Variants in NTNG1 observed in about 807,000 individuals in gnomAD.
NTNG1 encodes the protein netrin-G1.
In NTNG1, 16 loss-of-function variants were observed where a neutral mutation model predicts 54.0. The ratio of observed to expected loss-of-function variants is 0.30; its 90% CI spans 0.20 to 0.45. The LOEUF (loss-of-function observed/expected upper bound fraction) is 0.45, where lower values mean the gene tolerates loss of function less well. Ranked by LOEUF, NTNG1 falls within the 20% of genes least tolerant of loss-of-function variation. The pLI, the probability that NTNG1 is intolerant of heterozygous loss-of-function variation, is 1.00. For missense variants in NTNG1, 530 were observed against 678.7 expected (o/e 0.78, Z 2.43); for synonymous variants, 255 against 263.1 (o/e 0.97, Z 0.30).
At chr1:107,217,498 G>A (rs942169053) in intron 2 of NTNG1, among the ~76,000 whole-genome samples, 7 of 151,852 alleles carry the variant, frequency 4.6e-5, no homozygotes, top group Non-Finnish European at 8.8e-5. Flanking sequence ...GCTGGGTTTC[G>A]GTTTGGTTTG....
intron 3 of NTNG1, among the ~76,000 whole-genome samples, chr1:107,338,349 A>G (rs1191656563): frequency 6.6e-6 from 1 of 151,900 alleles, no homozygotes; most frequent in Non-Finnish European, 1.5e-5. Flanking sequence ...CATAAGCTGA[A>G]CTACACCACT....
intron 2 of NTNG1, among the ~76,000 whole-genome samples, chr1:107,206,249 A>G (rs1358016237): frequency 6.6e-6 from 1 of 152,098 alleles, no homozygotes; most frequent in Non-Finnish European, 1.5e-5. Flanking sequence ...TCCCATCAAC[A>G]CTACCCAGAA....
intron 2 of NTNG1, among the ~76,000 whole-genome samples, chr1:107,205,660 G>A (rs557814907): frequency 1.3e-5 from 2 of 151,614 alleles, no homozygotes; most frequent in East Asian, 1.9e-4. Flanking sequence ...TAACATACAC[G>A]CAGAAATGTG....
chr1:107,171,683 C>T (rs148255248), intron 2 of NTNG1, among the ~76,000 whole-genome samples: 46 of 152,208 alleles, frequency 3.0e-4, no homozygotes, highest in African/African-American at 9.6e-4. Flanking sequence ...CTGCATTTAT[C>T]GCTCTAAAAT....
In NTNG1 at chr1:107,292,671, G is replaced by T. The variant is rs1319602869; in HGVS notation, c.247-31611G>T. ...TTTAAATGGTATATGACCTCCTAGG[G>T]TCATTAAGTTGGTAAGGGAAGAATG... On this transcript the variant is annotated intron_variant, in intron 2 of 7. Coordinates refer to ENST00000370068, the MANE Select transcript of NTNG1 (RefSeq NM_001113226.3). 3.9e-5 allele frequency among the ~76,000 whole-genome samples: 6 copies of T among 152,056 alleles called. No individual in the cohort carries two copies. The South Asian group carries it at 1.2e-3, about 31-fold the overall frequency.
At chr1:107,260,777 G>A (rs749851582) in intron 2 of NTNG1, 1 of 152,190 alleles carries the variant, frequency 6.6e-6, no homozygotes, top group African/African-American at 2.4e-5. Context: ...CAAGAAATCA[G>A]TCAGGTGAGT....
At chr1:107,418,843 A>G (rs1674386985) in intron 5 of NTNG1, among the ~76,000 whole-genome samples, 1 of 152,034 alleles carries the variant, frequency 6.6e-6, no homozygotes, top group Non-Finnish European at 1.5e-5. Context: ...ATTAGATGGC[A>G]TGGAAGTTAA....
intron 2 of NTNG1, among the ~76,000 whole-genome samples, chr1:107,177,943 A>G (rs1656771939): frequency 6.6e-6 from 1 of 152,170 alleles, no homozygotes; most frequent in Admixed American, 6.5e-5. Flanking sequence ...AATTGATTGT[A>G]TCTCTCAACC....
At chr1:107,169,409 A>G (rs929261548) in intron 2 of NTNG1, among the ~76,000 whole-genome samples, 2 of 152,104 alleles carry the variant, frequency 1.3e-5, no homozygotes, top group Non-Finnish European at 2.9e-5. Flanking sequence ...CTAGACTTGT[A>G]ATGTAGCCAT....
chr1:107,235,805 A>G (rs1661372058), intron 2 of NTNG1, among the ~76,000 whole-genome samples: 1 of 152,182 alleles, frequency 6.6e-6, no homozygotes. Context: ...AGGGAAGGAT[A>G]TTGGGAGATG....
At chr1:107,472,341 C>G (rs557028113) in intron 7 of NTNG1, among the ~76,000 whole-genome samples, 1 of 152,186 alleles carries the variant, frequency 6.6e-6, no homozygotes, top group Non-Finnish European at 1.5e-5. Flanking sequence ...AAATGATAGG[C>G]TTTCCATTAA....
chr1:107,357,042 C>A (rs1316580611), intron 3 of NTNG1, among the ~76,000 whole-genome samples: 12 of 152,116 alleles, frequency 7.9e-5, no homozygotes, highest in African/African-American at 2.9e-4. Flanking sequence ...AGAATTTTAA[C>A]AAGTCTGTCT....
At chr1:107,278,335 A>G (rs138788270) in intron 2 of NTNG1, among the ~76,000 whole-genome samples, 1 of 152,322 alleles carries the variant, frequency 6.6e-6, no homozygotes, top group East Asian at 1.9e-4. Context: ...TCTACACTCT[A>G]CTAGGTACTC....
chr1:107,422,819 C>A (rs1674658381), intron 5 of NTNG1, among the ~76,000 whole-genome samples: 1 of 152,044 alleles, frequency 6.6e-6, no homozygotes, highest in Non-Finnish European at 1.5e-5. Context: ...AAAAAATCTA[C>A]CTGTTCTAAT....
chr1:107,195,804 C>G (rs958576923), intron 2 of NTNG1, among the ~76,000 whole-genome samples: 1 of 151,966 alleles, frequency 6.6e-6, no homozygotes, highest in African/African-American at 2.4e-5. Flanking sequence ...TTGTTTATAT[C>G]AGTTCTGACT....
At chr1:107,354,344 C>T (rs1669810847) in intron 3 of NTNG1, among the ~76,000 whole-genome samples, 1 of 151,630 alleles carries the variant, frequency 6.6e-6, no homozygotes, top group African/African-American at 2.4e-5. Context: ...TGGCAGGCAC[C>T]TGTAGTCCTA....
intron 3 of NTNG1, among the ~76,000 whole-genome samples, chr1:107,341,568 T>G (rs1668896899): frequency 6.6e-6 from 1 of 152,102 alleles, no homozygotes. Context: ...CGATGATGGA[T>G]GGCCTACTTT....
At chr1:107,177,279 G>A (rs1656712067) in intron 2 of NTNG1, among the ~76,000 whole-genome samples, 2 of 151,942 alleles carry the variant, frequency 1.3e-5, no homozygotes, top group South Asian at 4.1e-4. Flanking sequence ...GTACAGAAGA[G>A]CTATGAAAAG....
At chr1:107,215,672 A>T (rs1300680812) in intron 2 of NTNG1, among the ~76,000 whole-genome samples, 1 of 152,074 alleles carries the variant, frequency 6.6e-6, no homozygotes, top group African/African-American at 2.4e-5. Flanking sequence ...TAGTTCTGTG[A>T]AGAATGATGG....
Sources: gnomAD v4.1 joint callset for allele counts (sites outside exome capture counted in the v4.1 genomes callset) on GRCh38, gnomAD v4.1.1 for gene constraint, MANE v1.5 for transcripts, NCBI Gene and HGNC (gene_info 2026-07-23, HGNC 2026-07-21) for gene names.